Variants in SORL1 observed in about 807,000 individuals in gnomAD.
SORL1 encodes the protein sortilin-related receptor.
In SORL1, 127 loss-of-function variants were observed where a neutral mutation model predicts 273.7. That is an observed-to-expected ratio of 0.46 (90% CI 0.40 to 0.54). The LOEUF (loss-of-function observed/expected upper bound fraction) is 0.54, where lower values mean the gene tolerates loss of function less well. SORL1 is among the 20% of genes least tolerant of loss of function. The pLI, the probability that SORL1 is intolerant of heterozygous loss-of-function variation, is 0.00. For missense variants in SORL1, 2,494 were observed against 2,846.1 expected (o/e 0.88, Z 2.81); for synonymous variants, 1,031 against 1,067.4 (o/e 0.97, Z 0.66).
chr11:121,566,860 G>A, intron 21 of SORL1, 80 bp from the exon 22 acceptor site: 1 of 1,315,008 alleles, frequency 7.6e-7, no homozygotes, highest in South Asian at 1.4e-5. Flanking sequence ...CGAGGAGGTT[G>A]CAGTGGGTCT....
chr11:121,469,113 G>A (rs754471449), intron 1 of SORL1, among the ~76,000 whole-genome samples: 3 of 152,194 alleles, frequency 2.0e-5, no homozygotes, highest in African/African-American at 4.8e-5. Context: ...GCCTCCTTCC[G>A]TCTTCGGCTC....
intron 44 of SORL1, 49 bp downstream of exon 44, chr11:121,621,287 G>A (rs1241933886): frequency 6.5e-7 from 1 of 1,527,482 alleles, no homozygotes; most frequent in South Asian, 1.2e-5. Context: ...TGCCCTCAGT[G>A]CTGTGCCGCT....
intron 27 of SORL1, 122 bp from the exon 28 acceptor site, chr11:121,587,898 A>G: frequency 1.7e-6 from 2 of 1,159,262 alleles, no homozygotes; most frequent in Non-Finnish European, 2.5e-6. Context: ...GTGCTCAATA[A>G]ATTGTGGCTT....
chr11:121,544,822 C>T (rs749431083), intron 13 of SORL1, among the ~76,000 whole-genome samples: 94 of 152,148 alleles, frequency 6.2e-4, no homozygotes, highest in Non-Finnish European at 1.2e-3. Flanking sequence ...CCATTGCCTT[C>T]GGGCCACACT....
At chr11:121,521,155 C>T (rs1862037120) in intron 9 of SORL1, among the ~76,000 whole-genome samples, 2 of 151,696 alleles carry the variant, frequency 1.3e-5, no homozygotes, top group Non-Finnish European at 2.9e-5. Context: ...TTTTGTTTGT[C>T]CATGGTGGGC....
chr11:121,506,347 A>T (rs1166114646), intron 6 of SORL1, among the ~76,000 whole-genome samples: 1 of 152,172 alleles, frequency 6.6e-6, no homozygotes, highest in Admixed American at 6.5e-5. Flanking sequence ...CAATTTACAA[A>T]AAAGGTTTAT....
chr11:121,552,852 TC>T (rs1203876880), intron 16 of SORL1, among the ~76,000 whole-genome samples: 2 of 152,196 alleles, frequency 1.3e-5, no homozygotes, highest in African/African-American at 2.4e-5. Context: ...CCGATTTGCA[TC>T]TTGGTCCCAT....
intron 32 of SORL1, among the ~76,000 whole-genome samples, chr11:121,602,532 C>T (rs1339813479): frequency 6.6e-6 from 1 of 152,180 alleles, no homozygotes; most frequent in African/African-American, 2.4e-5. Flanking sequence ...TTCCTCTTGA[C>T]CATCCTGGTT....
At chr11:121,512,580 G>T (rs1244952350) in intron 6 of SORL1, among the ~76,000 whole-genome samples, 1 of 152,210 alleles carries the variant, frequency 6.6e-6, no homozygotes, top group African/African-American at 2.4e-5. Context: ...AAGAAGAAAA[G>T]AACATGTTTT....
rs752736941 is a variant in SORL1, at chr11:121,625,927, G to T, written c.6364+650G>T. Among the ~76,000 whole-genome samples the T allele has an allele frequency of 1.4e-4, 21 of 152,106 alleles. 1 individual carries two copies. Among genetic ancestry groups the T allele is most frequent in the Non-Finnish European group, 2.4e-4 (16 of 68,012 alleles). On this transcript the variant is annotated intron_variant, in intron 46 of 47. Transcript: ENST00000260197. Reference sequence around the variant, plus strand: ...TACTCTCAGCCAAGAACTAACCAGTGCTCAAGCCAAAATCTTGTGTTAGAG... The same window carrying T: ...TACTCTCAGCCAAGAACTAACCAGTTCTCAAGCCAAAATCTTGTGTTAGAG...
At chr11:121,518,845 T>G (rs1033704629) in intron 8 of SORL1, among the ~76,000 whole-genome samples, 9 of 152,090 alleles carry the variant, frequency 5.9e-5, no homozygotes, top group African/African-American at 2.2e-4. Context: ...GCTGAAGAGA[T>G]TGTGTGGAGA....
intron 27 of SORL1, among the ~76,000 whole-genome samples, chr11:121,586,693 T>TGGGGGGG (rs376563096): frequency 6.2e-5 from 6 of 97,144 alleles, no homozygotes; most frequent in Non-Finnish European, 1.0e-4. Context: ...GGGGGTAGAG[T>TGGGGGGG]GGGGGGGGGG....
chr11:121,488,290 C>T (rs917027202), intron 4 of SORL1, 97 bp downstream of exon 4: 1 of 1,190,750 alleles, frequency 8.4e-7, no homozygotes, highest in Non-Finnish European at 1.2e-6. Context: ...CGCCTCCTGC[C>T]TCTCCCTCCT....
At chr11:121,459,304 A>T (rs1470792871) in intron 1 of SORL1, among the ~76,000 whole-genome samples, 2 of 152,252 alleles carry the variant, frequency 1.3e-5, no homozygotes, top group Non-Finnish European at 2.9e-5. Context: ...TCCCACCTGT[A>T]GGCAACCTCT....
Position 121,484,815 on chromosome 11 carries a change from G to A in SORL1, c.529-3217G>A, listed in dbSNP as rs577850149. ...ATCACCCAGGCTGGAGTGCAGTGGT[G>A]TGATGTCGGCTCATTGCAACCTCTG... On this transcript the variant is annotated intron_variant, in intron 3 of 47. Transcript: ENST00000260197. Among the ~76,000 whole-genome samples, 16 of 152,282 alleles carry A rather than the reference G, an allele frequency of 1.1e-4. No homozygotes were observed. The East Asian group carries it at 2.9e-3, about 28-fold the overall frequency.
chr11:121,578,274 A>G (rs1862966403), intron 25 of SORL1, among the ~76,000 whole-genome samples: 1 of 152,146 alleles, frequency 6.6e-6, no homozygotes, highest in Non-Finnish European at 1.5e-5. Flanking sequence ...TTACACTCGG[A>G]TAATTCAGAC....
intron 11 of SORL1, 93 bp from the exon 12 acceptor site, chr11:121,532,371 G>A (rs1272616010): frequency 1.9e-6 from 2 of 1,072,332 alleles, no homozygotes; most frequent in African/African-American, 3.1e-5. Context: ...TTATGTCTAT[G>A]TGCACGTGTG....
intron 40 of SORL1, chr11:121,614,637 C>T (rs1017334370): frequency 2.3e-5 from 10 of 438,284 alleles, no homozygotes; most frequent in Non-Finnish European, 4.0e-5. Context: ...AACTCCTATC[C>T]GCGGATGGGC....
intron 5 of SORL1, among the ~76,000 whole-genome samples, chr11:121,493,975 T>C (rs1322884526): frequency 6.6e-6 from 1 of 152,202 alleles, no homozygotes; most frequent in African/African-American, 2.4e-5. Flanking sequence ...AGTTGTGGGA[T>C]CTTAGTGAAA....
Sources: allele counts gnomAD v4.1 joint callset (sites outside exome capture counted in the v4.1 genomes callset), GRCh38; gene constraint gnomAD v4.1.1; transcripts MANE v1.5; gene names NCBI Gene and HGNC (gene_info 2026-07-23, HGNC 2026-07-21).